CDH12: variants seen among roughly 807,000 people sequenced by gnomAD.
CDH12 encodes cadherin-12.
In CDH12, 41 loss-of-function variants were observed where a neutral mutation model predicts 74.1. The observed-to-expected ratio is 0.55, with a 90% CI of 0.43 to 0.72. CDH12 has a LOEUF of 0.72. Ranked by LOEUF, CDH12 falls within the 30% of genes least tolerant of loss-of-function variation. CDH12 has a pLI of 0.00. For missense variants in CDH12, 945 were observed against 977.2 expected (o/e 0.97, Z 0.44); for synonymous variants, 399 against 355.0 (o/e 1.12, Z -1.39).
chr5:22,508,868 C>G (rs554606735), intron 1 of CDH12, among the ~76,000 whole-genome samples: 1 of 152,104 alleles, frequency 6.6e-6, no homozygotes, highest in East Asian at 1.9e-4. Context: ...AGCTGTACCC[C>G]GACAACCTTG....
chr5:22,273,001 C>CGAT (rs2150401385), intron 3 of CDH12, among the ~76,000 whole-genome samples: 1 of 152,192 alleles, frequency 6.6e-6, no homozygotes, highest in Admixed American at 6.5e-5. Context: ...GCTTATAAAA[C>CGAT]CATCAACTCT....
intron 3 of CDH12, among the ~76,000 whole-genome samples, chr5:22,275,616 T>A (rs1235723966): frequency 6.6e-6 from 1 of 152,180 alleles, no homozygotes; most frequent in East Asian, 1.9e-4. Context: ...TTAAAAAATA[T>A]TTCTAAAATA....
intron 1 of CDH12, among the ~76,000 whole-genome samples, chr5:22,661,911 T>A (rs532670874): frequency 1.3e-5 from 2 of 152,288 alleles, no homozygotes; most frequent in South Asian, 2.1e-4. Flanking sequence ...TAAGCATTTT[T>A]AAAAATTATA....
At chr5:22,318,070 T>C (rs1484957727) in intron 3 of CDH12, among the ~76,000 whole-genome samples, 1 of 152,202 alleles carries the variant, frequency 6.6e-6, no homozygotes, top group African/African-American at 2.4e-5. Context: ...TTGAGTTGCT[T>C]TGAGGAAATG....
intron 3 of CDH12, among the ~76,000 whole-genome samples, chr5:22,226,667 A>G: frequency 6.6e-6 from 1 of 152,136 alleles, no homozygotes; most frequent in East Asian, 1.9e-4. Flanking sequence ...TATGCCACAG[A>G]GTTTGTAGTA....
intron 5 of CDH12, among the ~76,000 whole-genome samples, chr5:22,014,996 C>A (rs1040617521): frequency 2.0e-5 from 3 of 151,998 alleles, no homozygotes; most frequent in African/African-American, 7.2e-5. Flanking sequence ...AATGCAAGTT[C>A]ATTAAAGAAT....
intron 1 of CDH12, among the ~76,000 whole-genome samples, chr5:22,514,310 C>T (rs1244377221): frequency 1.3e-5 from 2 of 151,654 alleles, no homozygotes; most frequent in Non-Finnish European, 2.9e-5. Flanking sequence ...CACAGAAACA[C>T]ATAAACATAT....
chr5:22,769,428 C>T (rs1746692395), intron 1 of CDH12, among the ~76,000 whole-genome samples: 1 of 152,068 alleles, frequency 6.6e-6, no homozygotes, highest in African/African-American at 2.4e-5. Context: ...CAGTGGTTTG[C>T]CCAGGGCTCT....
rs1397085135 is a variant in CDH12 at position 22,290,565 on chromosome 5, AC to A, written c.-332-77923del. 2.6e-5 allele frequency among the ~76,000 whole-genome samples: 4 copies of A among 152,318 alleles called. No homozygotes were observed. The East Asian group carries it at 7.7e-4, about 29-fold the overall frequency. ...TTCAAACAGGAGAGAGAATCTGTGA[AC>A]CCAAAAACAGATTATTTGAAAATAG... On this transcript the variant is annotated intron_variant, in intron 3 of 14. Transcript: ENST00000382254.
intron 3 of CDH12, among the ~76,000 whole-genome samples, chr5:22,327,863 T>C (rs987769791): frequency 2.0e-5 from 3 of 152,216 alleles, no homozygotes; most frequent in Non-Finnish European, 2.9e-5. Flanking sequence ...GTCTTAGTAG[T>C]AAGTTCTAAT....
intron 1 of CDH12, among the ~76,000 whole-genome samples, chr5:22,826,164 G>T (rs1400458461): frequency 6.6e-6 from 1 of 152,040 alleles, no homozygotes; most frequent in Non-Finnish European, 1.5e-5. Context: ...GAATTATGGG[G>T]CTGGGTCTTT....
chr5:21,814,621 TGA>T (rs1446929767), intron 9 of CDH12, among the ~76,000 whole-genome samples: 2 of 150,966 alleles, frequency 1.3e-5, no homozygotes, highest in Non-Finnish European at 3.0e-5. Context: ...ACTATGTGTG[TGA>T]ATATAAAGTA....
intron 5 of CDH12, among the ~76,000 whole-genome samples, chr5:22,026,936 A>C (rs554639617): frequency 6.6e-6 from 1 of 152,226 alleles, no homozygotes; most frequent in South Asian, 2.1e-4. Flanking sequence ...ATTCAGTATG[A>C]TATTGGCTGT....
intron 3 of CDH12, among the ~76,000 whole-genome samples, chr5:22,236,694 C>T (rs1468145489): frequency 1.3e-5 from 2 of 152,094 alleles, no homozygotes; most frequent in Admixed American, 6.5e-5. Flanking sequence ...TTGCAGTGAG[C>T]GAGATGGTGC....
At position 22,404,735 on chromosome 5, in the gene CDH12, ATTAGAGGCCTGCAT is replaced by A. The variant is rs1447550550; in HGVS notation, c.-333+508_-333+521del. 3.3e-5 allele frequency among the ~76,000 whole-genome samples: 5 copies of A among 152,328 alleles called. No individual in the cohort carries two copies. In the East Asian group the frequency reaches 9.7e-4, roughly 29 times the overall value. ...TGTGTTTGAGGAAACAACTTTTGCA[ATTAGAGGCCTGCAT>A]TTAAGGAATGCCAGCGTTTCTGTGT... On this transcript the variant is annotated intron_variant, in intron 3 of 14. Transcript: ENST00000382254.
At chr5:21,938,723 C>CATACATATATATATAT (rs1554046011) in intron 6 of CDH12, among the ~76,000 whole-genome samples, 1 of 112,078 alleles carries the variant, frequency 8.9e-6, no homozygotes. Context: ...ATATAATATA[C>CATACATATATATATAT]ATATATATAT....
At chr5:21,757,983 C>T (rs935830833) in intron 13 of CDH12, among the ~76,000 whole-genome samples, 18 of 152,042 alleles carry the variant, frequency 1.2e-4, no homozygotes, top group Admixed American at 5.9e-4. Flanking sequence ...GTTTTATCTC[C>T]CTATGATATA....
intron 6 of CDH12, among the ~76,000 whole-genome samples, chr5:21,858,779 A>G (rs964973556): frequency 4.0e-5 from 6 of 151,892 alleles, no homozygotes; most frequent in African/African-American, 1.4e-4. Context: ...AGGAAAAGCA[A>G]TTTTGTAAAA....
At chr5:22,075,201 A>T (rs1742222084) in intron 5 of CDH12, among the ~76,000 whole-genome samples, 1 of 151,392 alleles carries the variant, frequency 6.6e-6, no homozygotes, top group African/African-American at 2.4e-5. Context: ...TCAGCAAACT[A>T]TCGCAAGGAC....
Sources: allele counts gnomAD v4.1 joint callset (sites outside exome capture counted in the v4.1 genomes callset), GRCh38; gene constraint gnomAD v4.1.1; transcripts MANE v1.5; gene names NCBI Gene and HGNC (gene_info 2026-07-23, HGNC 2026-07-21).